The following CAMK1D variants were observed in gnomAD, a reference collection of about 807,000 sequenced individuals.
CAMK1D encodes calcium/calmodulin-dependent protein kinase type 1D.
Under a neutral mutation model 47.7 loss-of-function variants are expected in CAMK1D, and 9 were observed. That is an observed-to-expected ratio of 0.19 (90% CI 0.11 to 0.33). CAMK1D has a LOEUF of 0.33. Among genes scored for constraint, CAMK1D ranks in the 10% least tolerant of loss-of-function variants. The pLI, the probability that CAMK1D is intolerant of heterozygous loss-of-function variation, is 1.00. For synonymous variants in CAMK1D, 184 were observed against 184.9 expected, an observed-to-expected ratio of 0.99 and a Z score of 0.04; for missense variants, 291 against 488.7, an observed-to-expected ratio of 0.60 and a Z score of 3.81.
intron 3 of CAMK1D, among the ~76,000 whole-genome samples, chr10:12,700,032 C>T (rs1222584093): frequency 6.6e-6 from 1 of 151,798 alleles, no homozygotes; most frequent in Non-Finnish European, 1.5e-5. Flanking sequence ...ATAGTTTTTT[C>T]GTAATACTCA....
chr10:12,546,426 G>A (rs1229591219), intron 1 of CAMK1D, among the ~76,000 whole-genome samples: 1 of 152,180 alleles, frequency 6.6e-6, no homozygotes, highest in Non-Finnish European at 1.5e-5. Context: ...AAATGAAAAA[G>A]AGAAGTTTTG....
chr10:12,471,361 G>C (rs1833741477), intron 1 of CAMK1D, among the ~76,000 whole-genome samples: 1 of 152,176 alleles, frequency 6.6e-6, no homozygotes, highest in African/African-American at 2.4e-5. Flanking sequence ...TGTCTGTGTT[G>C]ACCGCTGACT....
intron 2 of CAMK1D, among the ~76,000 whole-genome samples, chr10:12,589,521 G>A (rs1187661997): frequency 6.6e-6 from 1 of 152,194 alleles, no homozygotes; most frequent in Non-Finnish European, 1.5e-5. Flanking sequence ...GCAAATGGAA[G>A]CATTTTTGGA....
chr10:12,454,796 C>T (rs551150439), intron 1 of CAMK1D, among the ~76,000 whole-genome samples: 2 of 152,346 alleles, frequency 1.3e-5, no homozygotes, highest in African/African-American at 4.8e-5. Flanking sequence ...CTGCAAACCT[C>T]TGGAGAATGG....
At chr10:12,398,598 C>G (rs550286921) in intron 1 of CAMK1D, among the ~76,000 whole-genome samples, 1 of 152,192 alleles carries the variant, frequency 6.6e-6, no homozygotes, top group Non-Finnish European at 1.5e-5. Context: ...ATCCGCCCGC[C>G]TCGGCCTCCC....
Position 12,367,562 on chromosome 10 carries a change from C to T in CAMK1D, c.92+17652C>T, listed in dbSNP as rs188249531. Among the ~76,000 whole-genome samples the T allele has an allele frequency of 4.6e-4, 70 of 151,882 alleles. 2 individuals are homozygous for T. Among genetic ancestry groups the T allele is most frequent in the African/African-American group, 1.6e-3 (67 of 41,408 alleles). On this transcript the variant is annotated intron_variant, in intron 1 of 10. Coordinates refer to ENST00000619168, the MANE Select transcript of CAMK1D (RefSeq NM_153498.4). ...AACTCACCGTAATGTAGAATCAGTG[C>T]GAGGCCCTGTGCTTGTTTTCCTGCA... is the stretch of plus-strand genomic sequence containing the variant.
At chr10:12,556,894 TGAA>T (rs1332729631) in intron 2 of CAMK1D, among the ~76,000 whole-genome samples, 1 of 152,000 alleles carries the variant, frequency 6.6e-6, no homozygotes, top group Non-Finnish European at 1.5e-5. Flanking sequence ...GGTGGAGAAA[TGAA>T]GAAGCAGCAC....
intron 1 of CAMK1D, among the ~76,000 whole-genome samples, chr10:12,495,224 C>T (rs1192399618): frequency 3.3e-5 from 5 of 152,086 alleles, no homozygotes; most frequent in Non-Finnish European, 7.3e-5. Context: ...AGGTAAAGCC[C>T]GTACCATTTG....
At chr10:12,435,500 C>T (rs1456419038) in intron 1 of CAMK1D, among the ~76,000 whole-genome samples, 1 of 151,996 alleles carries the variant, frequency 6.6e-6, no homozygotes, top group East Asian at 1.9e-4. Flanking sequence ...AAGGTAATAC[C>T]GGCGGGCATC....
chr10:12,594,533 G>A (rs1205865289), intron 2 of CAMK1D, among the ~76,000 whole-genome samples: 2 of 152,162 alleles, frequency 1.3e-5, no homozygotes, highest in Non-Finnish European at 2.9e-5. Flanking sequence ...GACAGAATGT[G>A]GAACCACCCA....
intron 2 of CAMK1D, among the ~76,000 whole-genome samples, chr10:12,575,051 A>G (rs779891877): frequency 8.5e-5 from 13 of 152,062 alleles, no homozygotes; most frequent in Admixed American, 1.3e-4. Flanking sequence ...TTTGGTGAGG[A>G]CACGGATCCA....
intron 1 of CAMK1D, among the ~76,000 whole-genome samples, chr10:12,534,566 C>T (rs1057477242): frequency 6.6e-6 from 1 of 152,228 alleles, no homozygotes; most frequent in Non-Finnish European, 1.5e-5. Context: ...GGGCTTTCAC[C>T]ATGCTGGCCA....
intron 2 of CAMK1D, among the ~76,000 whole-genome samples, chr10:12,603,617 G>A (rs186718559): frequency 2.4e-4 from 37 of 152,322 alleles, no homozygotes; most frequent in African/African-American, 7.2e-4. Context: ...GCCATGAGAA[G>A]GGTGCAGAAG....
chr10:12,596,124 G>A (rs921296376), intron 2 of CAMK1D, among the ~76,000 whole-genome samples: 2 of 152,158 alleles, frequency 1.3e-5, no homozygotes, highest in Admixed American at 6.5e-5. Flanking sequence ...AGAAGGGAAA[G>A]CAGGAAGTGA....
At chr10:12,383,169 A>G (rs923958091) in intron 1 of CAMK1D, among the ~76,000 whole-genome samples, 1 of 152,120 alleles carries the variant, frequency 6.6e-6, no homozygotes, top group African/African-American at 2.4e-5. Flanking sequence ...TATCTGAAGT[A>G]TTTGGTACTA....
intron 1 of CAMK1D, among the ~76,000 whole-genome samples, chr10:12,517,761 G>C (rs1010468604): frequency 1.3e-5 from 2 of 151,920 alleles, no homozygotes; most frequent in Non-Finnish European, 2.9e-5. Context: ...TATATTGCTG[G>C]ATCCCATTTG....
intron 1 of CAMK1D, among the ~76,000 whole-genome samples, chr10:12,453,133 C>T (rs981544515): frequency 2.6e-5 from 4 of 152,032 alleles, no homozygotes; most frequent in African/African-American, 7.2e-5. Flanking sequence ...TTATTTCACT[C>T]AGTCCTCAAG....
At chr10:12,627,190 T>C (rs921466487) in intron 2 of CAMK1D, among the ~76,000 whole-genome samples, 12 of 150,842 alleles carry the variant, frequency 8.0e-5, no homozygotes, top group Non-Finnish European at 1.6e-4. Flanking sequence ...CACACCATTC[T>C]CCTGCCTCAG....
intron 1 of CAMK1D, among the ~76,000 whole-genome samples, chr10:12,450,372 A>G (rs1366458937): frequency 1.3e-5 from 2 of 152,174 alleles, no homozygotes; most frequent in Non-Finnish European, 2.9e-5. Context: ...TCTCAGGTTT[A>G]TATAAGCGTG....
Sources: gnomAD v4.1 joint callset for allele counts (sites outside exome capture counted in the v4.1 genomes callset) on GRCh38, gnomAD v4.1.1 for gene constraint, MANE v1.5 for transcripts, NCBI Gene and HGNC (gene_info 2026-07-23, HGNC 2026-07-21) for gene names.